Variants in BTBD9 observed in about 807,000 individuals in gnomAD.
The protein encoded by BTBD9 is BTB domain containing 9.
BTBD9 carries 49 observed loss-of-function variants against 64.3 expected under a neutral mutation model. The ratio of observed to expected loss-of-function variants is 0.76; its 90% CI spans 0.61 to 0.97. BTBD9 has a LOEUF of 0.97. Ranked by LOEUF, BTBD9 falls within the 50% of genes least tolerant of loss-of-function variation. The pLI is 0.00. For missense variants in BTBD9, 598 were observed against 762.1 expected (o/e 0.78, Z 2.53); for synonymous variants, 260 against 274.7 (o/e 0.95, Z 0.53).
chr6:38,615,296 T>C (rs1222308543), intron 1 of BTBD9, among the ~76,000 whole-genome samples: 1 of 152,226 alleles, frequency 6.6e-6, no homozygotes, highest in Non-Finnish European at 1.5e-5. Flanking sequence ...ATTTCCACCC[T>C]TACATGCCAT....
chr6:38,300,610 T>C lies in BTBD9; in HGVS notation c.1265-12149A>G, dbSNP rs966913584. Among the ~76,000 whole-genome samples, 204 of 152,212 alleles carry C rather than the reference T, an allele frequency of 1.3e-3. 1 individual carries two copies. The highest frequency in any genetic ancestry group is 2.0e-3 in the African/African-American group (82 of 41,446). ...AGTTGGATTCCTAGGTATTTTATTC[T>C]CTTTGAAGCAATTGTGAATGGGAGT... On this transcript the variant is annotated intron_variant, in intron 7 of 10. Transcript: ENST00000481247.
intron 6 of BTBD9, among the ~76,000 whole-genome samples, chr6:38,450,526 A>G (rs1396881061): frequency 6.6e-6 from 1 of 152,176 alleles, no homozygotes; most frequent in African/African-American, 2.4e-5. Flanking sequence ...TGATAAATAC[A>G]AACAATTTTA....
At chr6:38,456,600 C>T (rs1173250194) in intron 6 of BTBD9, among the ~76,000 whole-genome samples, 3 of 152,098 alleles carry the variant, frequency 2.0e-5, no homozygotes, top group Non-Finnish European at 4.4e-5. Flanking sequence ...CTGCATCACC[C>T]TAATGACTAA....
intron 9 of BTBD9, among the ~76,000 whole-genome samples, chr6:38,221,397 TC>T (rs199526881): frequency 6.6e-6 from 1 of 151,604 alleles, no homozygotes; most frequent in Non-Finnish European, 1.5e-5. Flanking sequence ...TCCAAAAGCC[TC>T]CCCCCAGGGA....
intron 6 of BTBD9, among the ~76,000 whole-genome samples, chr6:38,409,891 G>A (rs1209774873): frequency 2.0e-5 from 3 of 152,012 alleles, no homozygotes; most frequent in Admixed American, 6.6e-5. Context: ...TTGTACAAGT[G>A]TGTGATTTCC....
rs1434757130 is a variant in BTBD9, at chr6:38,170,787, G to A, written c.*4198C>T. 1 of 152,232 alleles carries A rather than the reference G, an allele frequency of 6.6e-6. No homozygotes were observed. The highest frequency in any genetic ancestry group is 1.5e-5 in the Non-Finnish European group (1 of 68,052). 9.4% of individuals were successfully genotyped at this position (152,232 alleles called of 1,614,324 possible). ...GAACTCCTGCCGGGGCTGTTGTCAG[G>A]AAAAATATGCAGAATCAATGGCTGC... On this transcript the variant is annotated 3_prime_UTR_variant, in exon 11 of 11. Coordinates refer to ENST00000481247, the MANE Select transcript of BTBD9 (RefSeq NM_001099272.2).
intron 6 of BTBD9, among the ~76,000 whole-genome samples, chr6:38,427,701 G>A (rs1768237691): frequency 6.6e-6 from 1 of 151,918 alleles, no homozygotes; most frequent in African/African-American, 2.4e-5. Context: ...TATAGGTAAT[G>A]GAGAACTAAC....
At chr6:38,556,548 TGTGAGAGAGA>T (rs1265136137) in intron 6 of BTBD9, among the ~76,000 whole-genome samples, 417 of 72,078 alleles carry the variant, frequency 5.8e-3, no homozygotes, top group African/African-American at 7.3e-3. Flanking sequence ...TGTGTGTGTG[TGTGAGAGAGA>T]GAGAGAGAGA....
chr6:38,481,122 T>TCTCC lies in BTBD9; in HGVS notation c.1154+96477_1154+96478insGGAG, dbSNP rs1309035675. Among the ~76,000 whole-genome samples the TCTCC allele has an allele frequency of 7.0e-3, 1,066 of 152,272 alleles. 11 individuals carry two copies. The highest frequency in any genetic ancestry group is 0.023 in the African/African-American group (963 of 41,528). On this transcript the variant is annotated intron_variant, in intron 6 of 10. Transcript: ENST00000481247. The stretch of plus-strand genomic sequence containing the variant: ...GGGAGAGGCAAAACAGAAAGGTTTA[T>TCTCC]TCTAACGTGAGAGGAGCCCATGATG...
chr6:38,626,934 A>G (rs1055796235), intron 1 of BTBD9, among the ~76,000 whole-genome samples: 5 of 152,366 alleles, frequency 3.3e-5, no homozygotes, highest in Admixed American at 3.3e-4. Flanking sequence ...CTCCACATCA[A>G]AAGAATTTAA....
chr6:38,275,331 T>G (rs1305088280), intron 8 of BTBD9, among the ~76,000 whole-genome samples: 2 of 151,966 alleles, frequency 1.3e-5, no homozygotes, highest in Non-Finnish European at 2.9e-5. Context: ...TCCTTACACC[T>G]TATACAAAAA....
At chr6:38,374,306 T>TACATATATATATATATATATATATATAC (rs1491240635) in intron 6 of BTBD9, among the ~76,000 whole-genome samples, 1 of 84,658 alleles carries the variant, frequency 1.2e-5, no homozygotes, top group Non-Finnish European at 2.2e-5. Context: ...TGTATATATA[T>TACATATATATATATATATATATATATAC]GTATATATAT....
At chr6:38,613,201 A>G (rs1057156219) in intron 1 of BTBD9, among the ~76,000 whole-genome samples, 1 of 152,226 alleles carries the variant, frequency 6.6e-6, no homozygotes, top group Non-Finnish European at 1.5e-5. Flanking sequence ...CAGAATAGCT[A>G]TTAGAAATTT....
chr6:38,396,046 CA>C (rs1177406503), intron 6 of BTBD9, among the ~76,000 whole-genome samples: 1 of 152,080 alleles, frequency 6.6e-6, no homozygotes, highest in African/African-American at 2.4e-5. Flanking sequence ...ATCTGTTACA[CA>C]GCAATATATA....
intron 6 of BTBD9, among the ~76,000 whole-genome samples, chr6:38,414,240 T>C (rs1562150753): frequency 6.6e-6 from 1 of 152,216 alleles, no homozygotes; most frequent in Non-Finnish European, 1.5e-5. Context: ...GATTGCTTGA[T>C]AATATGTTGT....
intron 10 of BTBD9, among the ~76,000 whole-genome samples, chr6:38,186,004 C>T (rs771717421): frequency 5.9e-5 from 9 of 152,314 alleles, no homozygotes; most frequent in Non-Finnish European, 1.2e-4. Context: ...TCACTCCTGC[C>T]TCCTAAACTG....
At chr6:38,193,977 CAAAG>C (rs1762187814) in intron 9 of BTBD9, 1 of 825,146 alleles carries the variant, frequency 1.2e-6, no homozygotes, top group Non-Finnish European at 1.5e-6. Flanking sequence ...GTTCTGGAAA[CAAAG>C]AAAAATCACT....
Position 38,242,334 on chromosome 6 carries a change from A to T in BTBD9, c.1562+14075T>A, listed in dbSNP as rs118144770. Among the ~76,000 whole-genome samples, 221 of 152,300 alleles carry T rather than the reference A, an allele frequency of 1.5e-3. 5 individuals are homozygous for T. In the East Asian group the frequency reaches 0.031, roughly 21 times the overall value. On this transcript the variant is annotated intron_variant, in intron 9 of 10. Coordinates refer to ENST00000481247, the MANE Select transcript of BTBD9 (RefSeq NM_001099272.2). Reference sequence around the variant, plus strand: ...ATGTTTATATACTTACAGTACTTACATATCTGATTTTTCATGTTTACTGTG... The same window carrying T: ...ATGTTTATATACTTACAGTACTTACTTATCTGATTTTTCATGTTTACTGTG...
chr6:38,192,149 C>T (rs1437719927), intron 10 of BTBD9, among the ~76,000 whole-genome samples: 2 of 152,198 alleles, frequency 1.3e-5, no homozygotes, highest in South Asian at 2.1e-4. Context: ...GTCTGCAGCA[C>T]GGCCGCCTGC....
Sources: allele counts gnomAD v4.1 joint callset (sites outside exome capture counted in the v4.1 genomes callset), GRCh38; gene constraint gnomAD v4.1.1; transcripts MANE v1.5; gene names NCBI Gene and HGNC (gene_info 2026-07-23, HGNC 2026-07-21).